KCP: variants seen among roughly 807,000 people sequenced by gnomAD.
KCP encodes the protein kielin cysteine rich BMP regulator.
A neutral mutation model predicts 212.7 loss-of-function variants in KCP; 194 were observed. That is an observed-to-expected ratio of 0.91 (90% confidence interval 0.81 to 1.03). The LOEUF (loss-of-function observed/expected upper bound fraction) is 1.03, where lower values mean the gene tolerates loss of function less well. KCP is among the 50% of genes least tolerant of loss of function. The probability of loss-of-function intolerance (pLI) is 0.00; values close to 1 mark genes in which losing one functional copy is unlikely to be tolerated. For missense variants in KCP, 2,080 were observed against 2,162.5 expected, an observed-to-expected ratio of 0.96 and a Z score of 0.76; for synonymous variants, 833 against 865.3, an observed-to-expected ratio of 0.96 and a Z score of 0.65.
At chr7:128,902,063 T>C (rs1313642867) in intron 8 of KCP, among the ~76,000 whole-genome samples, 3 of 152,234 alleles carry the variant, frequency 2.0e-5, no homozygotes, top group Non-Finnish European at 4.4e-5. Flanking sequence ...CAAATGTTAA[T>C]GTTTTTTAAT....
In KCP at chr7:128,877,706, G is replaced by T. The variant is rs1048526164; in HGVS notation, c.4396C>A (p.Arg1466Ser). 6.4e-7 allele frequency: 1 copy of T among 1,551,226 alleles called. No individual in the cohort carries two copies. Among genetic ancestry groups the T allele is most frequent in the South Asian group, 1.2e-5 (1 of 84,066 alleles). ...PCRAAGYRAR[R>S]EANARCGVLK... ...ACCCCACACCGGGCATTGGCCTCAC[G>T]CCTGGCACGGTAACCTGCTGCCCGG... is the stretch of plus-strand genomic sequence containing the variant. The change falls in exon 39 of 40, where the codon CGT becomes AGT. Residue 1466 changes from arginine (R) to serine (S), a missense_variant. By Grantham distance (110) the Arg-to-Ser change is moderately radical (BLOSUM62 -1). Coordinates refer to ENST00000610776, the MANE Select transcript of KCP (RefSeq NM_001366122.1).
At chr7:128,894,151 C>T (rs1794371801) in intron 9 of KCP, 49 bp downstream of exon 9, 1 of 1,509,194 alleles carries the variant, frequency 6.6e-7, no homozygotes, top group Non-Finnish European at 8.9e-7. Context: ...CATCAATTTT[C>T]TCCAGGTTGC....
At position 128,878,696 on chromosome 7, in the gene KCP, C is replaced by T. The variant is rs1423542206; in HGVS notation, c.4173G>A (p.Val1391=). ...LQVLWDGQSQ[V]EVSVPGSYQG... is the part of the protein sequence containing the mutation. The stretch of plus-strand genomic sequence containing the variant: ...GGTAGGAGCCAGGTACGCTCACCTC[C>T]ACCTGGGACTGCCCATCCCACAGCA... The change falls in exon 38 of 40, where the codon GTG becomes GTA. Residue 1391 remains valine, a synonymous_variant. Transcript: ENST00000610776. The T allele has an allele frequency of 1.3e-6, 2 of 1,550,530 alleles. No homozygotes were observed. Among genetic ancestry groups the T allele is most frequent in the Non-Finnish European group, 1.7e-6 (2 of 1,146,958 alleles).
At chr7:128,888,169 AAC>A (rs1793823509) in intron 22 of KCP, among the ~76,000 whole-genome samples, 1 of 125,966 alleles carries the variant, frequency 7.9e-6, no homozygotes, top group Non-Finnish European at 1.7e-5. Context: ...CAGCCACACA[AAC>A]ACACATATAC....
In KCP at chr7:128,886,568, T is replaced by C. The variant is rs1793658290; in HGVS notation, c.2773-11A>G. 2 of 1,550,930 alleles carry C rather than the reference T, an allele frequency of 1.3e-6. No homozygotes were observed. Among genetic ancestry groups the C allele is most frequent in the Non-Finnish European group, 1.7e-6 (2 of 1,146,660 alleles). ...GCTGACCTGGCCAGCCTGTAGGAGATGCAGGGACACTGGCTCGCTGCCTAG... is the reference window on the plus strand; with the variant it reads ...GCTGACCTGGCCAGCCTGTAGGAGACGCAGGGACACTGGCTCGCTGCCTAG... On this transcript the variant is annotated splice_polypyrimidine_tract_variant and intron_variant, in intron 25 of 39. Coordinates refer to ENST00000610776, the MANE Select transcript of KCP (RefSeq NM_001366122.1).
Position 128,893,490 on chromosome 7 carries a change from CAG to C in KCP, c.1100-16_1100-15del. On this transcript the variant is annotated splice_polypyrimidine_tract_variant and intron_variant, in intron 11 of 39. Coordinates refer to ENST00000610776, the MANE Select transcript of KCP (RefSeq NM_001366122.1). Reference sequence around the variant, plus strand: ...GGTACTCACAGCCTGGATGGGATGACAGGGGCGTGGGGGTATAGGGCTGGAGG... The same window carrying C: ...GGTACTCACAGCCTGGATGGGATGACGGGCGTGGGGGTATAGGGCTGGAGG... The C allele has an allele frequency of 6.5e-7, 1 of 1,534,992 alleles. No homozygotes were observed. The highest frequency in any genetic ancestry group is 8.8e-7 in the Non-Finnish European group (1 of 1,132,104).
chr7:128,903,478 A>G, intron 7 of KCP: 1 of 557,434 alleles, frequency 1.8e-6, no homozygotes, highest in Non-Finnish European at 3.2e-6. Context: ...GGGGAGCACA[A>G]AGTAGAAAGC....
chr7:128,894,032 G>A lies in KCP; in HGVS notation c.949C>T (p.His317Tyr). 6.5e-7 allele frequency: 1 copy of A among 1,549,954 alleles called. No homozygotes were observed. Among genetic ancestry groups the A allele is most frequent in the East Asian group, 2.4e-5 (1 of 40,880 alleles). The change falls in exon 10 of 40, where the codon CAC becomes TAC. Residue 317 changes from histidine (H) to tyrosine (Y), a missense_variant. Physicochemically the swap from His to Tyr is moderately conservative, Grantham distance 83. Transcript: ENST00000610776. ...GAGCCCACAGGCTCCCCGCTGCGGTGCTCCCGCCCGTTTAGGAAACAGCCT... is the reference window on the plus strand; with the variant it reads ...GAGCCCACAGGCTCCCCGCTGCGGTACTCCCGCCCGTTTAGGAAACAGCCT... Reference protein sequence around the residue: ...CDGCFLNGREHRSGEPVGSGD... With the variant: ...CDGCFLNGREYRSGEPVGSGD...
chr7:128,883,936 G>T, intron 29 of KCP, 66 bp downstream of exon 29: 10 of 1,499,832 alleles, frequency 6.7e-6, no homozygotes, highest in Non-Finnish European at 8.9e-6. Context: ...GGACTGGTGA[G>T]GAAGGGCGGC....
At chr7:128,903,409 A>T in intron 7 of KCP, 2 of 405,350 alleles carry the variant, frequency 4.9e-6, no homozygotes, top group African/African-American at 4.1e-5. Context: ...GCATTAGTGT[A>T]TGACTCAGTG....
Position 128,877,322 on chromosome 7 carries a change from A to G in KCP, c.4619-11T>C. 1.3e-6 allele frequency: 2 copies of G among 1,524,704 alleles called. No individual in the cohort carries two copies. The highest frequency in any genetic ancestry group is 1.4e-5 in the African/African-American group (1 of 71,642). 94.4% of individuals were successfully genotyped at this position (1,524,704 alleles called of 1,614,324 possible). A position where few individuals can be genotyped will look rare whatever the true frequency, so the allele number is the denominator to read the frequency against. On this transcript the variant is annotated splice_polypyrimidine_tract_variant and intron_variant, in intron 39 of 39. Transcript: ENST00000610776. Reference sequence around the variant, plus strand: ...GGGGGCAGCCTACCACTGCAGGGGGAGTGGGAGGCGGGGTTACCAAGGCAC... The same window carrying G: ...GGGGGCAGCCTACCACTGCAGGGGGGGTGGGAGGCGGGGTTACCAAGGCAC...
chr7:128,886,737 C>T lies in KCP; in HGVS notation c.2690G>A (p.Ser897Asn), dbSNP rs752012389. ...GTGCTCCCGGCCCTGAGAGAGACAG[C>T]CTGTGGGGGACACACCTCCTGGGTG... Reference protein sequence around the residue: ...PGPCFCPVCHSCLSQGREHQD... With the variant: ...PGPCFCPVCHNCLSQGREHQD... The change falls in exon 25 of 40, where the codon AGC becomes AAC. Residue 897 changes from serine to asparagine, a missense_variant and splice_region_variant. Coordinates refer to ENST00000610776, the MANE Select transcript of KCP (RefSeq NM_001366122.1). 9.0e-6 allele frequency: 14 copies of T among 1,551,346 alleles called. No individual in the cohort carries two copies. In the East Asian group the frequency reaches 1.5e-4, roughly 16 times the overall value.
intron 4 of KCP, 74 bp downstream of exon 4, chr7:128,907,027 G>A: frequency 7.2e-7 from 1 of 1,395,090 alleles, no homozygotes; most frequent in Non-Finnish European, 9.8e-7. Flanking sequence ...CATCTTGAGT[G>A]CCACGCTGCA....
intron 11 of KCP, 81 bp downstream of exon 11, chr7:128,893,725 A>C: frequency 7.0e-7 from 1 of 1,432,168 alleles, no homozygotes. Flanking sequence ...GCTTAGGTCC[A>C]AGAGAAGCAA....
chr7:128,893,723 C>G, intron 11 of KCP, 83 bp downstream of exon 11: 1 of 1,418,666 alleles, frequency 7.0e-7, no homozygotes, highest in Non-Finnish European at 9.6e-7. Context: ...GGGCTTAGGT[C>G]CAAGAGAAGC....
chr7:128,889,310 C>T (rs1793939322), intron 21 of KCP, among the ~76,000 whole-genome samples: 3 of 152,204 alleles, frequency 2.0e-5, no homozygotes, highest in Admixed American at 2.0e-4. Context: ...TCTGCTGCCC[C>T]TGGGGTTAAA....
At chr7:128,891,160 A>G in intron 19 of KCP, 25 bp downstream of exon 19, 6 of 1,539,656 alleles carry the variant, frequency 3.9e-6, no homozygotes, top group Non-Finnish European at 5.2e-6. Flanking sequence ...CCCAGGGAGG[A>G]GCAGCCGAGG....
At position 128,891,498 on chromosome 7, in the gene KCP, C is replaced by T. The variant is rs1794131814; in HGVS notation, c.1831G>A (p.Ala611Thr). 2 of 1,547,888 alleles carry T rather than the reference C, an allele frequency of 1.3e-6. No individual in the cohort carries two copies. Among genetic ancestry groups the T allele is most frequent in the Non-Finnish European group, 1.7e-6 (2 of 1,145,220 alleles). Residue 611 changes from alanine to threonine, a missense_variant, in exon 18 of 40, where the codon GCG becomes ACG. Transcript: ENST00000610776. ...GGGTCAGAGGGGTGGGGGAAGTCCG[C>T]TCCGCTGGGGTACTCTTTCCCGCCA... is the stretch of plus-strand genomic sequence containing the variant. Reference protein sequence around the residue: ...AFGGKEYPSGADFPHPSDPCR... With the variant: ...AFGGKEYPSGTDFPHPSDPCR...
chr7:128,878,817 G>T, intron 37 of KCP, 95 bp from the exon 38 acceptor site: 1 of 1,268,910 alleles, frequency 7.9e-7, no homozygotes, highest in Non-Finnish European at 1.1e-6. Flanking sequence ...GTTCAGTGCG[G>T]CCAGTGCTGT....
Sources: gnomAD v4.1 joint callset for allele counts (sites outside exome capture counted in the v4.1 genomes callset) on GRCh38, gnomAD v4.1.1 for gene constraint, MANE v1.5 for transcripts, NCBI Gene and HGNC (gene_info 2026-07-23, HGNC 2026-07-21) for gene names.